Variants in SLC35F5 observed in about 807,000 individuals in gnomAD.
SLC35F5 encodes the protein HCV NS5A-transactivated protein 3.
In SLC35F5, 54 loss-of-function variants were observed where a neutral mutation model predicts 68.6. That is an observed-to-expected ratio of 0.79 (90% CI 0.63 to 0.99). SLC35F5 has a LOEUF of 0.99. SLC35F5 is among the 50% of genes least tolerant of loss of function. The probability of loss-of-function intolerance (pLI) is 0.00; values close to 1 mark genes in which losing one functional copy is unlikely to be tolerated. For missense variants in SLC35F5, 567 were observed against 626.9 expected (o/e 0.90, Z 1.02); for synonymous variants, 211 against 205.2 (o/e 1.03, Z -0.24).
chr2:113,705,414 T>TG (rs1160416242), downstream of SLC35F5: 1 of 152,258 alleles, frequency 6.6e-6, no homozygotes, highest in African/African-American at 2.4e-5. Flanking sequence ...TAGCTGGGTG[T>TG]GGTGGCGTGC....
chr2:113,742,878 G>A lies in SLC35F5; in HGVS notation c.564C>T (p.Thr188=), dbSNP rs1013303636. The change falls in exon 7 of 16, where the codon ACC becomes ACT. Residue 188 remains threonine (T), a splice_region_variant and synonymous_variant. Transcript: ENST00000245680. ...PESTNIDTEK[T]PKKSRVRFSN... ...TGAACCTCACACGAGACTTTTTGGG[G>A]GCTTAAAAGGAAGAGCATAATATGA... 4.3e-6 allele frequency: 7 copies of A among 1,609,984 alleles called. No homozygotes were observed. Among genetic ancestry groups the A allele is most frequent in the Non-Finnish European group, 5.9e-6 (7 of 1,177,228 alleles).
chr2:113,734,794 C>T (rs1292524532), intron 8 of SLC35F5, 121 bp from the exon 9 acceptor site: 3 of 620,706 alleles, frequency 4.8e-6, no homozygotes, highest in Non-Finnish European at 8.6e-6. Context: ...ATTTTTGTCA[C>T]TCTTAACTAA....
Position 113,707,590 on chromosome 2 carries a change from C to T in SLC35F5, c.*7628G>A, listed in dbSNP as rs952708695. ...TTCTTATTTTTTTGAAACAGGGTCT[C>T]GCTCTGTCACCCAGGCTGGAGTGCA... On this transcript the variant is annotated 3_prime_UTR_variant, in exon 16 of 16. Coordinates refer to ENST00000245680, the MANE Select transcript of SLC35F5 (RefSeq NM_025181.5). Among the ~76,000 whole-genome samples the T allele has an allele frequency of 1.3e-5, 2 of 152,118 alleles. No homozygotes were observed. The highest frequency in any genetic ancestry group is 4.8e-5 in the African/African-American group (2 of 41,414).
At chr2:113,755,598 T>G (rs1559372522) in intron 1 of SLC35F5, 54 bp from the exon 2 acceptor site, 1 of 1,487,996 alleles carries the variant, frequency 6.7e-7, no homozygotes, top group East Asian at 2.3e-5. Flanking sequence ...CAAGGTAAGA[T>G]TCATCACATC....
chr2:113,751,872 G>A (rs549589991), intron 3 of SLC35F5, among the ~76,000 whole-genome samples: 161 of 152,060 alleles, frequency 1.1e-3, no homozygotes, highest in African/African-American at 3.8e-3. Context: ...AGCAGAAAAT[G>A]TACAAGATGG....
chr2:113,742,542 C>T (rs1676317411), intron 7 of SLC35F5, 150 bp downstream of exon 7: 2 of 718,740 alleles, frequency 2.8e-6, no homozygotes, highest in African/African-American at 1.8e-5. Context: ...TTTTGATACC[C>T]TAACTTCCTA....
chr2:113,740,430 A>C (rs936172999), intron 7 of SLC35F5, among the ~76,000 whole-genome samples: 1 of 152,258 alleles, frequency 6.6e-6, no homozygotes, highest in Non-Finnish European at 1.5e-5. Context: ...TGTACTATGT[A>C]AATTGTTATG....
intron 13 of SLC35F5, among the ~76,000 whole-genome samples, chr2:113,719,981 C>T (rs1687362896): frequency 1.3e-5 from 2 of 150,966 alleles, no homozygotes; most frequent in Admixed American, 1.3e-4. Flanking sequence ...TCCTCCAATC[C>T]ATCATTTATC....
chr2:113,731,174 A>C (rs1196230903), intron 10 of SLC35F5, among the ~76,000 whole-genome samples: 1 of 152,200 alleles, frequency 6.6e-6, no homozygotes, highest in African/African-American at 2.4e-5. Flanking sequence ...AAAAGTGTCA[A>C]GGTCATAAAA....
At chr2:113,755,049 A>T in intron 3 of SLC35F5, 116 bp downstream of exon 3, 2 of 971,834 alleles carry the variant, frequency 2.1e-6, no homozygotes, top group South Asian at 4.5e-5. Flanking sequence ...AAAATTCAAT[A>T]GTATTTAAGA....
intron 5 of SLC35F5, among the ~76,000 whole-genome samples, chr2:113,744,803 T>C (rs1676421389): frequency 6.6e-6 from 1 of 152,164 alleles, no homozygotes. Flanking sequence ...AGGTATAAAG[T>C]AATCAGGTAG....
At chr2:113,755,861 A>C in intron 1 of SLC35F5, 1 of 1,550,554 alleles carries the variant, frequency 6.4e-7, no homozygotes. Context: ...TCACCTCTCC[A>C]TCCAGAGGAA....
chr2:113,744,774 CT>C (rs1378003483), intron 5 of SLC35F5, among the ~76,000 whole-genome samples: 1 of 152,046 alleles, frequency 6.6e-6, no homozygotes, highest in East Asian at 1.9e-4. Flanking sequence ...AATATTTATA[CT>C]TTTAGAGAAT....
Position 113,756,415 on chromosome 2 carries a change from G to C in SLC35F5, c.-6C>G. ...TGGCGTCGTGGCGGCACCATGAGCG[G>C]ACCGGTCAGGCCCCGCAGCCGCCCA... On this transcript the variant is annotated 5_prime_UTR_variant, in exon 1 of 16. Coordinates refer to ENST00000245680, the MANE Select transcript of SLC35F5 (RefSeq NM_025181.5). 6.4e-7 allele frequency: 1 copy of C among 1,552,506 alleles called. No individual in the cohort carries two copies. The highest frequency in any genetic ancestry group is 1.4e-5 in the African/African-American group (1 of 73,446).
In SLC35F5 at chr2:113,756,589, G is replaced by C. The variant is rs888364627; in HGVS notation, c.-180C>G. ...CACTCGGCCCAGGAGGGCGTGGAGC[G>C]GGTGAGGGGAAGGGACGGCACAGTC... On this transcript the variant is annotated 5_prime_UTR_variant, in exon 1 of 16. Transcript: ENST00000245680. 1 of 1,418,136 alleles carries C rather than the reference G, an allele frequency of 7.1e-7. No individual in the cohort carries two copies. The highest frequency in any genetic ancestry group is 9.2e-7 in the Non-Finnish European group (1 of 1,086,206). The allele number at this position is 1,418,136 out of a possible 1,614,324, so 87.8% of individuals were successfully genotyped here.
intron 1 of SLC35F5, chr2:113,756,152 A>G: frequency 6.9e-7 from 1 of 1,448,254 alleles, no homozygotes; most frequent in African/African-American, 1.4e-5. Context: ...CTCCCCGGGG[A>G]GCCGAGGCGA....
rs1270491561 is a variant in SLC35F5 at position 113,709,004 on chromosome 2, C to A, written c.*6214G>T. 1.3e-5 allele frequency among the ~76,000 whole-genome samples: 2 copies of A among 152,224 alleles called. No individual in the cohort carries two copies. The highest frequency in any genetic ancestry group is 2.9e-5 in the Non-Finnish European group (2 of 68,042). On this transcript the variant is annotated 3_prime_UTR_variant, in exon 16 of 16. Coordinates refer to ENST00000245680, the MANE Select transcript of SLC35F5 (RefSeq NM_025181.5). ...GTACTCAAATATAATACAACTTCTTCAATGCTGCTTTATAAATCTGACTGA... is the reference window on the plus strand; with the variant it reads ...GTACTCAAATATAATACAACTTCTTAAATGCTGCTTTATAAATCTGACTGA...
In SLC35F5 at chr2:113,732,082, G is replaced by A. The variant is rs1687919770; in HGVS notation, c.921-434C>T. ...TCATCCCTTTCCAATCTTTCTTTTGGATTATAAAATTATATCAAACCCATA... is the reference window on the plus strand; with the variant it reads ...TCATCCCTTTCCAATCTTTCTTTTGAATTATAAAATTATATCAAACCCATA... On this transcript the variant is annotated intron_variant, in intron 9 of 15. Coordinates refer to ENST00000245680, the MANE Select transcript of SLC35F5 (RefSeq NM_025181.5). 2.0e-5 allele frequency among the ~76,000 whole-genome samples: 3 copies of A among 152,036 alleles called. No homozygotes were observed. The South Asian group carries it at 6.2e-4, about 32-fold the overall frequency.
At position 113,725,532 on chromosome 2, in the gene SLC35F5, CA is replaced by C. The variant is rs746923239; in HGVS notation, c.1095del (p.Phe365LeufsTer2). The C allele has an allele frequency of 6.3e-7, 1 of 1,576,850 alleles. No individual in the cohort carries two copies. The highest frequency in any genetic ancestry group is 2.1e-5 in the Admixed American group (1 of 46,746). ...DKLDIPMFFG[F>X]VGLFNLLLLW... ...AAGAGCAGCAGATTAAACAAACCTA[CA>C]AAACCTGAACATGTATAAAAGAGAC... On this transcript the variant is annotated frameshift_variant, in exon 12 of 16. Transcript: ENST00000245680. LOFTEE classifies it high-confidence loss of function.
Sources: allele counts gnomAD v4.1 joint callset (sites outside exome capture counted in the v4.1 genomes callset), GRCh38; gene constraint gnomAD v4.1.1; transcripts MANE v1.5; gene names NCBI Gene and HGNC (gene_info 2026-07-23, HGNC 2026-07-21).